Variants in CADPS2 observed in about 807,000 individuals in gnomAD.
CADPS2 encodes the protein calcium-dependent secretion activator 2.
A neutral mutation model predicts 172.5 loss-of-function variants in CADPS2; 93 were observed. The observed-to-expected ratio is 0.54, with a 90% CI of 0.46 to 0.64. The LOEUF (loss-of-function observed/expected upper bound fraction) is 0.64. Among genes scored for constraint, CADPS2 ranks in the 30% least tolerant of loss-of-function variants. CADPS2 has a pLI of 0.00. For synonymous variants in CADPS2, 546 were observed against 555.2 expected, an observed-to-expected ratio of 0.98 and a Z score of 0.23; for missense variants, 1,420 against 1,565.9, an observed-to-expected ratio of 0.91 and a Z score of 1.57.
chr7:122,601,666 T>G (rs1425911336), intron 6 of CADPS2, among the ~76,000 whole-genome samples: 1 of 152,048 alleles, frequency 6.6e-6, no homozygotes, highest in Non-Finnish European at 1.5e-5. Context: ...TAATTTTAAT[T>G]TGGAAGACGT....
chr7:122,699,201 T>C (rs541882946), intron 2 of CADPS2: 1 of 314,024 alleles, frequency 3.2e-6, no homozygotes, highest in Non-Finnish European at 5.9e-6. Flanking sequence ...CAGCAGCCAA[T>C]TAGATAAGAG....
intron 2 of CADPS2, among the ~76,000 whole-genome samples, chr7:122,704,561 C>G (rs1317784021): frequency 2.6e-5 from 4 of 151,934 alleles, no homozygotes; most frequent in African/African-American, 9.7e-5. Context: ...AAGTGTTTAA[C>G]CTGTAACTAT....
chr7:122,863,626 C>G (rs1817532453), intron 1 of CADPS2, among the ~76,000 whole-genome samples: 1 of 152,148 alleles, frequency 6.6e-6, no homozygotes, highest in Admixed American at 6.5e-5. Context: ...AAAAAAAGTT[C>G]AAATGAATGA....
intron 1 of CADPS2, among the ~76,000 whole-genome samples, chr7:122,868,140 T>G (rs1818778636): frequency 6.6e-6 from 1 of 152,044 alleles, no homozygotes; most frequent in African/African-American, 2.4e-5. Context: ...ATGCATCGAG[T>G]GCTCCAACTT....
chr7:122,603,702 T>C (rs1388756870), intron 6 of CADPS2, among the ~76,000 whole-genome samples: 1 of 152,138 alleles, frequency 6.6e-6, no homozygotes, highest in African/African-American at 2.4e-5. Context: ...CTCTGCAATG[T>C]CTCAATCTTT....
Position 122,800,528 on chromosome 7 carries a change from T to C in CADPS2, c.340-63460A>G, listed in dbSNP as rs183673364. On this transcript the variant is annotated intron_variant, in intron 1 of 29. Transcript: ENST00000449022. ...GAGATTCTAAAGTAGTAGATGTAGG[T>C]TGGGGGCTGAGAATTTGCCTTAATG... Among the ~76,000 whole-genome samples the C allele has an allele frequency of 4.9e-3, 747 of 152,208 alleles. 27 individuals carry two copies. The highest frequency in any genetic ancestry group is 0.047 in the Admixed American group (720 of 15,284).
chr7:122,593,469 G>C (rs1401818487), intron 6 of CADPS2, among the ~76,000 whole-genome samples: 2 of 151,954 alleles, frequency 1.3e-5, no homozygotes, highest in African/African-American at 4.8e-5. Flanking sequence ...CCCGGGGCGA[G>C]CAACTTTACC....
rs1272868940 is a variant in CADPS2 at position 122,583,688 on chromosome 7, T to A, written c.1224-2398A>T. Among the ~76,000 whole-genome samples the A allele has an allele frequency of 7.9e-5, 12 of 151,182 alleles. No homozygotes were observed. The Admixed American group carries it at 8.0e-4, about 10-fold the overall frequency. ...GATATTGTACGTGTGTATATACGTA[T>A]ATACATATGTCCTTCATATCATATA... On this transcript the variant is annotated intron_variant, in intron 6 of 29. Coordinates refer to ENST00000449022, the MANE Select transcript of CADPS2 (RefSeq NM_017954.11).
In CADPS2 at chr7:122,886,405, C is replaced by T. The variant is rs1824398021; in HGVS notation, c.-68G>A. 18 of 1,453,112 alleles carry T rather than the reference C, an allele frequency of 1.2e-5. No homozygotes were observed. The South Asian group carries it at 2.2e-4, about 17-fold the overall frequency. The allele number at this position is 1,453,112 out of a possible 1,614,324, so 90.0% of individuals were successfully genotyped here. A position where few individuals can be genotyped will look rare whatever the true frequency, so the allele number is the denominator to read the frequency against. On this transcript the variant is annotated 5_prime_UTR_variant, in exon 1 of 30. Transcript: ENST00000449022. ...GCCTCACCCCCGGCGGCTGCGCCCG[C>T]GGGTCTGAGGGAGCCGCGGGGCTGG...
At chr7:122,375,415 A>G (rs957305744) in intron 25 of CADPS2, among the ~76,000 whole-genome samples, 5 of 152,142 alleles carry the variant, frequency 3.3e-5, no homozygotes, top group African/African-American at 1.2e-4. Flanking sequence ...ATAGAACAAA[A>G]CAGAGAGCTC....
intron 1 of CADPS2, among the ~76,000 whole-genome samples, chr7:122,750,586 C>A (rs1378019988): frequency 6.6e-6 from 1 of 152,094 alleles, no homozygotes; most frequent in African/African-American, 2.4e-5. Context: ...TCTGAAAAAG[C>A]AGCTCAAAGG....
chr7:122,375,900 A>T (rs1203363466), intron 25 of CADPS2, among the ~76,000 whole-genome samples: 1 of 152,058 alleles, frequency 6.6e-6, no homozygotes, highest in Non-Finnish European at 1.5e-5. Context: ...ATAGCCAAAA[A>T]AAAAAAATTA....
At chr7:122,872,846 A>C (rs1441319167) in intron 1 of CADPS2, among the ~76,000 whole-genome samples, 1 of 152,154 alleles carries the variant, frequency 6.6e-6, no homozygotes, top group Non-Finnish European at 1.5e-5. Flanking sequence ...TTGTAAACTA[A>C]AGTTAAAACT....
chr7:122,885,892 A>C lies in CADPS2; in HGVS notation c.339+107T>G, dbSNP rs946962065. 97 of 1,333,250 alleles carry C rather than the reference A, an allele frequency of 7.3e-5. No individual in the cohort carries two copies. The East Asian group carries it at 1.3e-3, about 17-fold the overall frequency. The allele number at this position is 1,333,250 out of a possible 1,614,324, so 82.6% of individuals were successfully genotyped here. ...CCTCTGCCCTCAGAGACTAACAAAAATACGGTGTCCTGCGTTTCGCAGAAG... is the reference window on the plus strand; with the variant it reads ...CCTCTGCCCTCAGAGACTAACAAAACTACGGTGTCCTGCGTTTCGCAGAAG... On this transcript the variant is annotated intron_variant, in intron 1 of 29. Coordinates refer to ENST00000449022, the MANE Select transcript of CADPS2 (RefSeq NM_017954.11).
rs1183419819 is a variant in CADPS2, at chr7:122,540,013, TTTGTG to T, written c.1475+14532_1475+14536del. On this transcript the variant is annotated intron_variant, in intron 8 of 29. Transcript: ENST00000449022. Reference sequence around the variant, plus strand: ...ATTTTATATTTAATATATTTACTCTTTTGTGTTAAGTTTACTGTTTAAGCTCATTT... The same window carrying T: ...ATTTTATATTTAATATATTTACTCTTTTAAGTTTACTGTTTAAGCTCATTT... Among the ~76,000 whole-genome samples, 6 of 152,160 alleles carry T rather than the reference TTTGTG, an allele frequency of 3.9e-5. No homozygotes were observed. The East Asian group carries it at 7.8e-4, about 20-fold the overall frequency.
At chr7:122,407,100 A>G (rs965680377) in intron 20 of CADPS2, among the ~76,000 whole-genome samples, 37 of 152,328 alleles carry the variant, frequency 2.4e-4, no homozygotes, top group African/African-American at 8.7e-4. Context: ...ATCTGTACAA[A>G]TGAACCAACT....
At chr7:122,688,105 G>A (rs955877118) in intron 2 of CADPS2, among the ~76,000 whole-genome samples, 1 of 152,134 alleles carries the variant, frequency 6.6e-6, no homozygotes, top group Admixed American at 6.5e-5. Context: ...CAGAAAGCAG[G>A]GAGTCATTCT....
chr7:122,500,412 TA>T (rs1244371571), intron 9 of CADPS2, among the ~76,000 whole-genome samples: 2 of 151,622 alleles, frequency 1.3e-5, no homozygotes, highest in South Asian at 2.1e-4. Flanking sequence ...TTTATCGTCT[TA>T]AAAAAAAACT....
intron 6 of CADPS2, 63 bp from the exon 7 acceptor site, chr7:122,581,353 T>G: frequency 3.9e-6 from 5 of 1,280,066 alleles, no homozygotes; most frequent in Non-Finnish European, 5.7e-6. Flanking sequence ...CAAGGAGATG[T>G]GTCTCCATAG....
Sources: gnomAD v4.1 joint callset for allele counts (sites outside exome capture counted in the v4.1 genomes callset) on GRCh38, gnomAD v4.1.1 for gene constraint, MANE v1.5 for transcripts, NCBI Gene and HGNC (gene_info 2026-07-23, HGNC 2026-07-21) for gene names.